SPRY3: variants seen among roughly 807,000 people sequenced by gnomAD.
SPRY3 encodes protein sprouty homolog 3.
In SPRY3, 15 loss-of-function variants were observed where a neutral mutation model predicts 20.2. That is an observed-to-expected ratio of 0.74 (90% CI 0.50 to 1.14). The LOEUF (loss-of-function observed/expected upper bound fraction) is 1.14. Ranked by LOEUF, SPRY3 falls within the 50% of genes most tolerant of loss-of-function variation. SPRY3 has a pLI of 0.00. For synonymous variants in SPRY3, 143 were observed against 136.5 expected, an observed-to-expected ratio of 1.05 and a Z score of -0.33; for missense variants, 364 against 363.9, an observed-to-expected ratio of 1.00 and a Z score of 0.00.
chrX:155,680,176 G>A (rs1485614034), intron 2 of SPRY3, among the ~76,000 whole-genome samples: 2 of 105,477 alleles, frequency 1.9e-5, no homozygotes, highest in African/African-American at 7.0e-5. Flanking sequence ...GTGTGTGTGT[G>A]TGTGTGTGTG....
intron 2 of SPRY3, among the ~76,000 whole-genome samples, chrX:155,658,645 T>C (rs2067999346): frequency 1.8e-5 from 2 of 111,832 alleles, no homozygotes; most frequent in Non-Finnish European, 3.8e-5. Context: ...ATAATTTGAC[T>C]TCCTCTCTTC....
At chrX:155,644,235 C>A in intron 1 of SPRY3, among the ~76,000 whole-genome samples, 1 of 109,902 alleles carries the variant, frequency 9.1e-6, no homozygotes, top group South Asian at 4.0e-4. Flanking sequence ...GGATGGCATC[C>A]CATGAGCACC....
chrX:155,780,621 A>G (rs769757584), downstream of SPRY3: 1 of 167,054 alleles, frequency 6.0e-6, no homozygotes, highest in South Asian at 2.1e-4. Context: ...TGGATAGAAA[A>G]TCATGTGTCC....
intron 2 of SPRY3, among the ~76,000 whole-genome samples, chrX:155,736,502 A>T (rs1365400308): frequency 6.6e-6 from 1 of 151,930 alleles, no homozygotes; most frequent in Admixed American, 6.6e-5. Flanking sequence ...CACTTTAAAT[A>T]CTTCGTTCCA....
At chrX:155,682,579 G>GCCTGCAGTGA (rs2068076860) in intron 2 of SPRY3, among the ~76,000 whole-genome samples, 1 of 111,382 alleles carries the variant, frequency 9.0e-6, no homozygotes, top group Non-Finnish European at 1.9e-5. Context: ...GGTATGCAAT[G>GCCTGCAGTGA]GCATAATCAT....
At chrX:155,721,498 C>T (rs2091057600) in intron 2 of SPRY3, among the ~76,000 whole-genome samples, 2 of 151,980 alleles carry the variant, frequency 1.3e-5, no homozygotes, top group African/African-American at 2.4e-5. Context: ...TACCTCAATG[C>T]ATTTAATAAT....
intron 1 of SPRY3, among the ~76,000 whole-genome samples, chrX:155,615,217 G>T (rs1557348748): frequency 8.9e-6 from 1 of 112,824 alleles, no homozygotes; most frequent in Admixed American, 9.3e-5. Flanking sequence ...CAGGCAAGAG[G>T]CAGGATTTGC....
chrX:155,773,681 T>C (rs1473835433), intron 3 of SPRY3, 85 bp from the exon 3 acceptor site: 15 of 626,544 alleles, frequency 2.4e-5, no homozygotes, highest in African/African-American at 5.5e-5. Flanking sequence ...GTAGTGGTGG[T>C]GATAGGGCCT....
At chrX:155,709,415 A>G (rs1181993966) in intron 2 of SPRY3, among the ~76,000 whole-genome samples, 1 of 151,814 alleles carries the variant, frequency 6.6e-6, no homozygotes, top group African/African-American at 2.4e-5. Flanking sequence ...TCTGATGAGC[A>G]ATGATGCTGA....
At chrX:155,748,569 A>C (rs2091241028) in intron 2 of SPRY3, among the ~76,000 whole-genome samples, 1 of 151,854 alleles carries the variant, frequency 6.6e-6, no homozygotes, top group African/African-American at 2.4e-5. Context: ...AATGAGGAAT[A>C]GTTACATGAA....
intron 2 of SPRY3, among the ~76,000 whole-genome samples, chrX:155,719,343 G>T (rs2091041496): frequency 6.6e-6 from 1 of 152,104 alleles, no homozygotes; most frequent in Non-Finnish European, 1.5e-5. Flanking sequence ...GCTACAGTGG[G>T]CTATAGTGCT....
intron 2 of SPRY3, among the ~76,000 whole-genome samples, chrX:155,682,733 A>T (rs1220488485): frequency 1.9e-5 from 2 of 107,804 alleles, no homozygotes; most frequent in Non-Finnish European, 4.0e-5. Flanking sequence ...TGTCACTCAG[A>T]CTAAAAAATA....
At chrX:155,780,793 T>G (rs2091458548), downstream of SPRY3, 1 of 166,732 alleles carries the variant, frequency 6.0e-6, no homozygotes. Context: ...TTTCTTAATA[T>G]ATAAACCATA....
At chrX:155,762,963 A>T (rs145133333) in intron 2 of SPRY3, among the ~76,000 whole-genome samples, 2,431 of 152,252 alleles carry the variant, frequency 0.016, 70 homozygotes, top group African/African-American at 0.056. Flanking sequence ...GGAATCAATC[A>T]ACCTGGGTGC....
chrX:155,754,997 C>G (rs1445451899), intron 2 of SPRY3, among the ~76,000 whole-genome samples: 2 of 151,174 alleles, frequency 1.3e-5, no homozygotes, highest in African/African-American at 4.9e-5. Flanking sequence ...AGGGAATTTG[C>G]TATGGAAGTT....
chrX:155,758,708 C>T (rs963696261), intron 2 of SPRY3, among the ~76,000 whole-genome samples: 2 of 152,102 alleles, frequency 1.3e-5, no homozygotes, highest in Admixed American at 1.3e-4. Context: ...TGTGTGGAAG[C>T]ATGTGTTTTA....
At chrX:155,616,130 C>CTAT (rs11396863) in intron 1 of SPRY3, among the ~76,000 whole-genome samples, 1 of 57,190 alleles carries the variant, frequency 1.7e-5, no homozygotes, top group African/African-American at 5.6e-5. Context: ...CTCTCTCTCT[C>CTAT]CTCTCTCTCT....
intron 1 of SPRY3, chrX:155,613,006 G>C (rs1486470733): frequency 8.9e-6 from 1 of 112,538 alleles, no homozygotes; most frequent in African/African-American, 3.2e-5. Flanking sequence ...TCTGGCGCCC[G>C]GGACTTCGCC....
exon 4 of SPRY3, chrX:155,774,234 C>A: frequency 1.9e-6 from 3 of 1,614,006 alleles, no homozygotes; most frequent in Non-Finnish European, 2.5e-6. Flanking sequence ...GAGCAGGGGT[C>A]CACCCAAAGG....
Sources: gnomAD v4.1 joint callset for allele counts (sites outside exome capture counted in the v4.1 genomes callset) on GRCh38, gnomAD v4.1.1 for gene constraint, MANE v1.5 for transcripts, NCBI Gene and HGNC (gene_info 2026-07-23, HGNC 2026-07-21) for gene names.